Variants in SDK1 observed in about 807,000 individuals in gnomAD.
The protein encoded by SDK1 is protein sidekick-1.
Under a neutral mutation model 245.5 loss-of-function variants are expected in SDK1, and 157 were observed. The ratio of observed to expected loss-of-function variants is 0.64; its 90% CI spans 0.56 to 0.73. SDK1 has a LOEUF of 0.73. Ranked by LOEUF, SDK1 falls within the 30% of genes least tolerant of loss-of-function variation. The probability of loss-of-function intolerance (pLI) is 0.00; values close to 1 mark genes in which losing one functional copy is unlikely to be tolerated. For synonymous variants in SDK1, 1,647 were observed against 1,278.5 expected, an observed-to-expected ratio of 1.29 and a Z score of -6.15; for missense variants, 3,583 against 3,002.3, an observed-to-expected ratio of 1.19 and a Z score of -4.52.
chr7:4,268,624 T>C lies in SDK1; in HGVS notation c.*3240T>C. 7.3e-7 allele frequency: 1 copy of C among 1,367,518 alleles called. No homozygotes were observed. Among genetic ancestry groups the C allele is most frequent in the South Asian group, 1.1e-5 (1 of 88,030 alleles). 84.7% of individuals were successfully genotyped at this position (1,367,518 alleles called of 1,614,324 possible). On this transcript the variant is annotated 3_prime_UTR_variant, in exon 45 of 45. Transcript: ENST00000404826. The stretch of plus-strand genomic sequence containing the variant: ...CTGTGACTGGGCTGAAGCATGATGT[T>C]TGCCTAATGGTTCGTAGCATGGTTT...
rs1486487499 is a variant in SDK1 at position 3,736,558 on chromosome 7, C to T, written c.714-84892C>T. Among the ~76,000 whole-genome samples, 3 of 152,174 alleles carry T rather than the reference C, an allele frequency of 2.0e-5. No individual in the cohort carries two copies. In the East Asian group the frequency reaches 5.8e-4, roughly 29 times the overall value. On this transcript the variant is annotated intron_variant, in intron 4 of 44. Transcript: ENST00000404826. ...AAGTGCTGGGATTACAGGCGTGAGC[C>T]ACCATGCCCGGCCACATTAGGGGTT...
At chr7:3,429,127 G>A (rs1168324484) in intron 1 of SDK1, among the ~76,000 whole-genome samples, 1 of 152,014 alleles carries the variant, frequency 6.6e-6, no homozygotes, top group Non-Finnish European at 1.5e-5. Flanking sequence ...ATAATGAGAA[G>A]GCTCAGTTTG....
intron 1 of SDK1, among the ~76,000 whole-genome samples, chr7:3,346,310 A>G (rs976657792): frequency 2.0e-5 from 3 of 151,924 alleles, no homozygotes; most frequent in African/African-American, 7.3e-5. Flanking sequence ...CTTCACTGAG[A>G]GGTGTCACCT....
At chr7:4,257,213 C>T (rs1398364042) in intron 44 of SDK1, among the ~76,000 whole-genome samples, 3 of 152,210 alleles carry the variant, frequency 2.0e-5, no homozygotes, top group Non-Finnish European at 4.4e-5. Flanking sequence ...AGTCTTTCAT[C>T]TTGCCAACGT....
intron 5 of SDK1, among the ~76,000 whole-genome samples, chr7:3,906,890 G>A (rs957982982): frequency 3.3e-5 from 5 of 151,972 alleles, no homozygotes; most frequent in African/African-American, 9.7e-5. Flanking sequence ...TCGGCCTCCC[G>A]AAGTGCTGGG....
chr7:3,340,487 G>A (rs1780317289), intron 1 of SDK1, among the ~76,000 whole-genome samples: 1 of 152,164 alleles, frequency 6.6e-6, no homozygotes, highest in Non-Finnish European at 1.5e-5. Flanking sequence ...AATTGGCCAG[G>A]TATGGTGGCT....
At chr7:3,494,579 T>A (rs1781965387) in intron 1 of SDK1, among the ~76,000 whole-genome samples, 1 of 152,224 alleles carries the variant, frequency 6.6e-6, no homozygotes, top group African/African-American at 2.4e-5. Context: ...CTCATTAACA[T>A]ATTCATCACC....
chr7:3,847,145 C>G (rs1436294703), intron 5 of SDK1, among the ~76,000 whole-genome samples: 1 of 151,976 alleles, frequency 6.6e-6, no homozygotes, highest in African/African-American at 2.4e-5. Flanking sequence ...CTCACGTACA[C>G]CTGAAACCTC....
chr7:4,079,435 C>G (rs978381849), intron 21 of SDK1, 28 bp from the exon 22 acceptor site: 7 of 1,612,854 alleles, frequency 4.3e-6, no homozygotes, highest in African/African-American at 2.7e-5. Flanking sequence ...CTGTAAATCT[C>G]TCCCTTTCCT....
chr7:3,797,662 G>GT (rs34112534), intron 4 of SDK1, among the ~76,000 whole-genome samples: 15,901 of 152,080 alleles, frequency 0.1, 1,363 homozygotes, highest in African/African-American at 0.24. Flanking sequence ...AATTGATGAA[G>GT]TTTTTCCACA....
intron 14 of SDK1, among the ~76,000 whole-genome samples, chr7:3,991,602 A>T (rs73673212): frequency 0.073 from 11,187 of 152,234 alleles, 1,212 homozygotes; most frequent in African/African-American, 0.24. Flanking sequence ...AGAAGGGGAC[A>T]GAGAACGTCA....
chr7:4,119,486 G>A (rs1052273602), intron 25 of SDK1, among the ~76,000 whole-genome samples: 2 of 148,200 alleles, frequency 1.3e-5, no homozygotes, highest in Non-Finnish European at 3.0e-5. Context: ...CTCATAGATT[G>A]TACACTTTGC....
chr7:4,131,874 C>T (rs632896), intron 27 of SDK1, among the ~76,000 whole-genome samples: 17,228 of 152,036 alleles, frequency 0.11, 1,078 homozygotes, highest in Non-Finnish European at 0.13. Flanking sequence ...TTGTAACCTC[C>T]GTTAGAGTTG....
At chr7:3,509,485 C>T (rs983309241) in intron 1 of SDK1, among the ~76,000 whole-genome samples, 19 of 152,232 alleles carry the variant, frequency 1.2e-4, no homozygotes, top group East Asian at 1.2e-3. Flanking sequence ...GTGCCTGGCA[C>T]GTGATAATTG....
chr7:3,848,960 G>A (rs563997183), intron 5 of SDK1, among the ~76,000 whole-genome samples: 2 of 152,308 alleles, frequency 1.3e-5, no homozygotes, highest in East Asian at 1.9e-4. Context: ...GTGAGCCGCC[G>A]CGCCCGGCCT....
intron 4 of SDK1, among the ~76,000 whole-genome samples, chr7:3,720,062 C>T (rs528535639): frequency 2.4e-4 from 37 of 151,122 alleles, no homozygotes; most frequent in Non-Finnish European, 4.4e-4. Flanking sequence ...TTGATGATAC[C>T]AAAGGTACGA....
chr7:3,600,973 G>C (rs539384741), intron 1 of SDK1, among the ~76,000 whole-genome samples: 3 of 151,982 alleles, frequency 2.0e-5, no homozygotes, highest in Non-Finnish European at 2.9e-5. Flanking sequence ...TGCCTCAATT[G>C]ATAGCTCACC....
intron 1 of SDK1, among the ~76,000 whole-genome samples, chr7:3,536,409 T>G (rs1460038854): frequency 6.6e-6 from 1 of 152,154 alleles, no homozygotes; most frequent in Non-Finnish European, 1.5e-5. Flanking sequence ...TGGGGCTCGT[T>G]GGCTCATGCC....
chr7:3,798,474 C>T (rs1202640475), intron 4 of SDK1, among the ~76,000 whole-genome samples: 2 of 152,126 alleles, frequency 1.3e-5, no homozygotes, highest in African/African-American at 2.4e-5. Flanking sequence ...ACCTTGGCCT[C>T]CCAAAGTGCT....
Sources: gnomAD v4.1 joint callset for allele counts (sites outside exome capture counted in the v4.1 genomes callset) on GRCh38, gnomAD v4.1.1 for gene constraint, MANE v1.5 for transcripts, NCBI Gene and HGNC (gene_info 2026-07-23, HGNC 2026-07-21) for gene names.